Variants in DPYS observed in about 807,000 individuals in gnomAD.
DPYS encodes the protein dihydropyrimidine amidohydrolase.
DPYS carries 39 observed loss-of-function variants against 50.3 expected under a neutral mutation model. The observed-to-expected ratio is 0.78, with a 90% CI of 0.60 to 1.01. DPYS has a LOEUF of 1.01. Among genes scored for constraint, DPYS ranks in the 50% least tolerant of loss-of-function variants. DPYS has a pLI of 0.00. For synonymous variants in DPYS, 245 were observed against 250.7 expected (o/e 0.98, Z 0.22); for missense variants, 659 against 680.9 (o/e 0.97, Z 0.36).
intron 9 of DPYS, 70 bp downstream of exon 9, chr8:104,381,114 C>T: frequency 7.7e-7 from 1 of 1,303,970 alleles, no homozygotes; most frequent in Non-Finnish European, 1.1e-6. Flanking sequence ...TCTCTTCAAC[C>T]CTTATGAGGA....
intron 8 of DPYS, among the ~76,000 whole-genome samples, chr8:104,382,197 T>C (rs865805724): frequency 6.6e-6 from 1 of 152,118 alleles, no homozygotes; most frequent in Middle Eastern, 3.4e-3. Flanking sequence ...ACACCGAGGA[T>C]CCAACACAGA....
intron 1 of DPYS, among the ~76,000 whole-genome samples, chr8:104,453,631 T>C (rs1813830130): frequency 6.6e-6 from 1 of 152,204 alleles, no homozygotes. Flanking sequence ...GGAAAACAAT[T>C]TGGAGTTCCT....
At chr8:104,451,502 C>T in intron 1 of DPYS, 98 bp from the exon 2 acceptor site, 1 of 1,488,150 alleles carries the variant, frequency 6.7e-7, no homozygotes, top group South Asian at 1.2e-5. Flanking sequence ...CTTGGGCAAA[C>T]TCGATGGGTC....
chr8:104,418,265 C>T (rs1375222764), intron 7 of DPYS, among the ~76,000 whole-genome samples: 2 of 152,102 alleles, frequency 1.3e-5, no homozygotes, highest in East Asian at 3.9e-4. Context: ...TAGATACTAA[C>T]AAGACGGCTG....
chr8:104,383,868 C>T (rs1811131950), intron 8 of DPYS, among the ~76,000 whole-genome samples: 1 of 152,176 alleles, frequency 6.6e-6, no homozygotes, highest in African/African-American at 2.4e-5. Context: ...TCCCAAAGTG[C>T]TGGGATTACA....
chr8:104,423,292 C>T (rs1812606689), intron 7 of DPYS, among the ~76,000 whole-genome samples: 1 of 151,958 alleles, frequency 6.6e-6, no homozygotes, highest in Non-Finnish European at 1.5e-5. Context: ...CAGTGGGTGC[C>T]CAGAGAGTGT....
intron 7 of DPYS, among the ~76,000 whole-genome samples, chr8:104,422,960 C>T (rs1812594910): frequency 6.6e-6 from 1 of 152,180 alleles, no homozygotes; most frequent in Non-Finnish European, 1.5e-5. Context: ...ATTGCCTTTC[C>T]AAGCACAATT....
At chr8:104,440,279 T>C (rs759699149) in intron 4 of DPYS, among the ~76,000 whole-genome samples, 12 of 152,104 alleles carry the variant, frequency 7.9e-5, no homozygotes, top group Non-Finnish European at 1.0e-4. Context: ...AATGAAGCAA[T>C]CAATAATTGG....
At chr8:104,382,258 G>A (rs1173569714) in intron 8 of DPYS, among the ~76,000 whole-genome samples, 3 of 152,136 alleles carry the variant, frequency 2.0e-5, no homozygotes, top group Non-Finnish European at 2.9e-5. Context: ...TGCATCGGGT[G>A]TGCACTGAGT....
chr8:104,382,610 G>A (rs959800561), intron 8 of DPYS, among the ~76,000 whole-genome samples: 3 of 145,796 alleles, frequency 2.1e-5, no homozygotes, highest in Non-Finnish European at 3.0e-5. Context: ...CTTAAACCTA[G>A]GGTGACTGTA....
intron 4 of DPYS, among the ~76,000 whole-genome samples, chr8:104,440,462 G>A (rs1393720259): frequency 6.6e-6 from 1 of 152,168 alleles, no homozygotes; most frequent in Non-Finnish European, 1.5e-5. Context: ...CACTGTGAGA[G>A]TCAAGGCCCT....
chr8:104,447,280 G>A (rs1490327151), intron 3 of DPYS, 44 bp downstream of exon 3: 2 of 1,607,932 alleles, frequency 1.2e-6, no homozygotes, highest in East Asian at 4.5e-5. Context: ...CTTATGTTAT[G>A]GCTGCTGTCA....
intron 7 of DPYS, among the ~76,000 whole-genome samples, chr8:104,423,228 T>C (rs917663477): frequency 5.3e-5 from 8 of 152,174 alleles, no homozygotes; most frequent in Non-Finnish European, 1.0e-4. Flanking sequence ...TGAAGGCTGC[T>C]TGCTTGCTAT....
chr8:104,398,306 T>G (rs1811657642), intron 7 of DPYS, among the ~76,000 whole-genome samples: 1 of 152,198 alleles, frequency 6.6e-6, no homozygotes, highest in African/African-American at 2.4e-5. Context: ...ACAGAGATTC[T>G]AGCAGCAGGA....
Position 104,428,849 on chromosome 8 carries a change from G to T in DPYS, c.950+696C>A, listed in dbSNP as rs540463413. ...TCTTTTCTCTTTTCTTTTTTTTTTC[G>T]AGACAGAGTCTTGCTCTGTCACTCA... On this transcript the variant is annotated intron_variant, in intron 5 of 9. Transcript: ENST00000351513. Among the ~76,000 whole-genome samples, 48 of 127,458 alleles carry T rather than the reference G, an allele frequency of 3.8e-4. 1 individual carries two copies. The East Asian group carries it at 9.0e-3, about 24-fold the overall frequency. 83.6% of individuals were successfully genotyped at this position (127,458 alleles called of 152,430 possible).
rs1222597105 is a variant in DPYS, at chr8:104,467,031, G to A, written c.-111C>T. 4 of 1,276,174 alleles carry A rather than the reference G, an allele frequency of 3.1e-6. No homozygotes were observed. The highest frequency in any genetic ancestry group is 4.0e-6 in the Non-Finnish European group (4 of 991,022). 79.1% of individuals were successfully genotyped at this position (1,276,174 alleles called of 1,614,324 possible). ...TGCAAGGTCCCCACCGACAGCCCCC[G>A]AGCTCTGCCTCAGGCTGCAAATCCG... On this transcript the variant is annotated 5_prime_UTR_variant, in exon 1 of 10. Coordinates refer to ENST00000351513, the MANE Select transcript of DPYS (RefSeq NM_001385.3).
At chr8:104,387,986 G>A (rs1005928925) in intron 8 of DPYS, among the ~76,000 whole-genome samples, 7 of 152,084 alleles carry the variant, frequency 4.6e-5, no homozygotes, top group African/African-American at 4.8e-5. Flanking sequence ...GCACAGATGC[G>A]TACATATGTC....
chr8:104,466,497 A>T (rs919700365), intron 1 of DPYS, among the ~76,000 whole-genome samples, 160 bp downstream of exon 1: 9 of 152,204 alleles, frequency 5.9e-5, no homozygotes, highest in Admixed American at 5.9e-4. Context: ...AGAGAATCTG[A>T]GTCCCCTCTG....
chr8:104,423,435 G>C (rs746449817), intron 7 of DPYS, among the ~76,000 whole-genome samples: 14 of 152,166 alleles, frequency 9.2e-5, no homozygotes, highest in Non-Finnish European at 1.5e-4. Flanking sequence ...AATTGAAGCT[G>C]GGCCTTTGTG....
Sources: gnomAD v4.1 joint callset for allele counts (sites outside exome capture counted in the v4.1 genomes callset) on GRCh38, gnomAD v4.1.1 for gene constraint, MANE v1.5 for transcripts, NCBI Gene and HGNC (gene_info 2026-07-23, HGNC 2026-07-21) for gene names.